Variants in PBX1 observed in about 807,000 individuals in gnomAD.
The protein encoded by PBX1 is pre-B-cell leukemia transcription factor 1.
A neutral mutation model predicts 53.4 loss-of-function variants in PBX1; 6 were observed. The ratio of observed to expected loss-of-function variants is 0.11; its 90% confidence interval spans 0.06 to 0.22. PBX1 has a LOEUF of 0.22. Among genes scored for constraint, PBX1 ranks in the 10% least tolerant of loss-of-function variants. The pLI is 1.00. For missense variants in PBX1, 251 were observed against 551.4 expected (o/e 0.46, Z 5.46); for synonymous variants, 204 against 212.3 (o/e 0.96, Z 0.34).
chr1:164,680,960 TTTTAA>T (rs1661731218), intron 2 of PBX1, among the ~76,000 whole-genome samples: 1 of 152,208 alleles, frequency 6.6e-6, no homozygotes, highest in South Asian at 2.1e-4. Flanking sequence ...AGCCTGGCAT[TTTTAA>T]TTTAAAACCC....
chr1:164,624,233 T>C (rs547326599), intron 2 of PBX1, among the ~76,000 whole-genome samples: 5 of 152,374 alleles, frequency 3.3e-5, no homozygotes, highest in African/African-American at 1.2e-4. Context: ...ACAACATCCT[T>C]ACTTGCAATT....
At chr1:164,721,184 A>T (rs909452253) in intron 2 of PBX1, among the ~76,000 whole-genome samples, 1 of 152,234 alleles carries the variant, frequency 6.6e-6, no homozygotes, top group South Asian at 2.1e-4. Context: ...TCTTGGCATC[A>T]TCATGCAGGG....
chr1:164,798,764 T>C (rs1214886686), intron 3 of PBX1, among the ~76,000 whole-genome samples: 1 of 152,246 alleles, frequency 6.6e-6, no homozygotes, highest in Non-Finnish European at 1.5e-5. Flanking sequence ...CTCTCAATCA[T>C]GTTTTGATGC....
chr1:164,564,480 T>C (rs1265831674), intron 2 of PBX1, among the ~76,000 whole-genome samples: 1 of 152,134 alleles, frequency 6.6e-6, no homozygotes, highest in African/African-American at 2.4e-5. Flanking sequence ...AAAAAATAGT[T>C]TCAAGATGTG....
intron 2 of PBX1, among the ~76,000 whole-genome samples, chr1:164,876,007 C>CATATATAT (rs1318941950): frequency 1.8e-4 from 21 of 113,684 alleles, no homozygotes; most frequent in Non-Finnish European, 3.7e-4. Flanking sequence ...TATATATATA[C>CATATATAT]ACACATACAC....
chr1:164,849,427 G>A lies in PBX1; in HGVS notation c.*2751G>A, dbSNP rs1671724208. 1 of 1,535,364 alleles carries A rather than the reference G, an allele frequency of 6.5e-7. No homozygotes were observed. Among genetic ancestry groups the A allele is most frequent in the Admixed American group, 2.0e-5 (1 of 50,984 alleles). The stretch of plus-strand genomic sequence containing the variant: ...AGATCTGTCCACATTAGGCGAAGCA[G>A]GAGAACACTGAGAGCAGCAGGATGG... On this transcript the variant is annotated 3_prime_UTR_variant, in exon 9 of 9. Transcript: ENST00000420696.
chr1:164,814,285 T>C (rs1479249370), intron 6 of PBX1: 4 of 152,202 alleles, frequency 2.6e-5, no homozygotes, highest in Middle Eastern at 3.2e-3. Context: ...TAAATGATAA[T>C]TGAAATAAAT....
At chr1:164,603,767 T>A (rs903299182) in intron 2 of PBX1, among the ~76,000 whole-genome samples, 5 of 152,154 alleles carry the variant, frequency 3.3e-5, no homozygotes, top group Admixed American at 3.3e-4. Context: ...CCTAGAGACA[T>A]CTCTTTTATA....
chr1:164,686,912 G>C (rs75712836), intron 2 of PBX1, among the ~76,000 whole-genome samples: 103 of 151,786 alleles, frequency 6.8e-4, no homozygotes, highest in African/African-American at 2.3e-3. Context: ...AGCAGAGATC[G>C]TGCCACTGCA....
chr1:164,675,959 G>A (rs770686661), intron 2 of PBX1, among the ~76,000 whole-genome samples: 9 of 152,028 alleles, frequency 5.9e-5, no homozygotes, highest in African/African-American at 1.7e-4. Flanking sequence ...TTTCTCACTA[G>A]GACCTCTCCC....
intron 2 of PBX1, chr1:164,884,468 C>G: frequency 2.3e-6 from 1 of 440,286 alleles, no homozygotes; most frequent in Non-Finnish European, 4.5e-6. Flanking sequence ...TCTTTGATAG[C>G]AGTCATGATG....
chr1:164,867,923 GA>G (rs1672258343), intron 2 of PBX1, among the ~76,000 whole-genome samples: 1 of 152,140 alleles, frequency 6.6e-6, no homozygotes. Flanking sequence ...CTGGTTTACA[GA>G]AAAAAAGACC....
intron 8 of PBX1, among the ~76,000 whole-genome samples, chr1:164,827,696 A>T (rs1407271469): frequency 1.3e-5 from 2 of 152,200 alleles, no homozygotes; most frequent in Admixed American, 1.3e-4. Flanking sequence ...TATCCCAGTA[A>T]TGTGATTTCA....
At chr1:164,668,062 A>G (rs972632533) in intron 2 of PBX1, among the ~76,000 whole-genome samples, 1 of 152,064 alleles carries the variant, frequency 6.6e-6, no homozygotes, top group Non-Finnish European at 1.5e-5. Flanking sequence ...GGAGTGATTG[A>G]TGTCCATTTC....
chr1:164,632,498 A>C (rs762878336), intron 2 of PBX1, among the ~76,000 whole-genome samples: 25 of 152,290 alleles, frequency 1.6e-4, no homozygotes, highest in Non-Finnish European at 3.2e-4. Flanking sequence ...CAGGAGTAGG[A>C]TGAAAAGCCA....
chr1:164,857,078 G>A (rs143640453), intron 2 of PBX1, among the ~76,000 whole-genome samples: 23 of 152,180 alleles, frequency 1.5e-4, no homozygotes, highest in South Asian at 4.2e-4. Context: ...CCAACTACCC[G>A]GAATTAGCTT....
At chr1:164,741,643 A>G (rs1000396731) in intron 2 of PBX1, among the ~76,000 whole-genome samples, 3 of 152,072 alleles carry the variant, frequency 2.0e-5, no homozygotes, top group Non-Finnish European at 4.4e-5. Context: ...CAGTGCTTTA[A>G]TAAGTCCCCT....
At chr1:164,680,118 A>G (rs899644965) in intron 2 of PBX1, 2 of 152,164 alleles carry the variant, frequency 1.3e-5, no homozygotes, top group South Asian at 2.1e-4. Flanking sequence ...TCGTATAGCT[A>G]TATGTTGGTA....
chr1:164,739,753 A>ATGCGTGTGTGTG (rs1249833541), intron 2 of PBX1, among the ~76,000 whole-genome samples: 3 of 143,116 alleles, frequency 2.1e-5, no homozygotes, highest in South Asian at 2.2e-4. Context: ...GTGGTTGTGC[A>ATGCGTGTGTGTG]TGTGTGTGTG....
Sources: gnomAD v4.1 joint callset for allele counts (sites outside exome capture counted in the v4.1 genomes callset) on GRCh38, gnomAD v4.1.1 for gene constraint, MANE v1.5 for transcripts, NCBI Gene and HGNC (gene_info 2026-07-23, HGNC 2026-07-21) for gene names.